HEATR1: variants seen among roughly 807,000 people sequenced by gnomAD.
The protein encoded by HEATR1 is HEAT repeat-containing protein 1.
In HEATR1, 77 loss-of-function variants were observed where a neutral mutation model predicts 248.2. That is an observed-to-expected ratio of 0.31 (90% CI 0.26 to 0.37). The LOEUF (loss-of-function observed/expected upper bound fraction) is 0.37. Ranked by LOEUF, HEATR1 falls within the 10% of genes least tolerant of loss-of-function variation. HEATR1 has a pLI of 1.00. For missense variants in HEATR1, 2,420 were observed against 2,504.9 expected (o/e 0.97, Z 0.72); for synonymous variants, 897 against 923.1 (o/e 0.97, Z 0.51).
intron 22 of HEATR1, among the ~76,000 whole-genome samples, chr1:236,575,651 C>T (rs970112391): frequency 6.6e-6 from 1 of 152,184 alleles, no homozygotes. Flanking sequence ...TCTAAGCCCA[C>T]AGTCAGTCTA....
chr1:236,571,760 G>T, intron 26 of HEATR1, 74 bp from the exon 27 acceptor site: 1 of 1,001,648 alleles, frequency 1.0e-6, no homozygotes, highest in Non-Finnish European at 1.6e-6. Flanking sequence ...AATGGCCATT[G>T]TCCAGAACTC....
chr1:236,566,762 T>G lies in HEATR1; in HGVS notation c.4192A>C (p.Ile1398Leu). The change falls in exon 30 of 45, where the codon ATC (isoleucine) becomes CTC (leucine). Residue 1398 changes from isoleucine to leucine, a missense_variant. Ile to Leu is a conservative substitution (Grantham distance 5, BLOSUM62 2). Transcript: ENST00000366582. ...AGTGTATCAACAAGTTGAACAAGGA[T>G]GGGCAGGCGCCTGTGCTCCGGGACG... is the stretch of plus-strand genomic sequence containing the variant. ...PHVPEHRRLP[I>L]LVQLVDTLGA... 6.2e-7 allele frequency: 1 copy of G among 1,614,116 alleles called. No individual in the cohort carries two copies. The highest frequency in any genetic ancestry group is 8.5e-7 in the Non-Finnish European group (1 of 1,179,998).
intron 28 of HEATR1, among the ~76,000 whole-genome samples, chr1:236,570,219 G>A (rs1007205123): frequency 6.6e-6 from 1 of 152,194 alleles, no homozygotes; most frequent in Non-Finnish European, 1.5e-5. Context: ...AACCCAAGAG[G>A]CAGAGCTTGC....
Position 236,574,914 on chromosome 1 carries a change from A to G in HEATR1, c.3085-11T>C. 1 of 1,611,286 alleles carries G rather than the reference A, an allele frequency of 6.2e-7. No individual in the cohort carries two copies. Among genetic ancestry groups the G allele is most frequent in the Non-Finnish European group, 8.5e-7 (1 of 1,178,904 alleles). On this transcript the variant is annotated splice_polypyrimidine_tract_variant and intron_variant, in intron 22 of 44. Coordinates refer to ENST00000366582, the MANE Select transcript of HEATR1 (RefSeq NM_018072.6). ...CTGAGAAAGCACCATCTAAAGATCC[A>G]AAGACTTAGTAGTAAATAGTTATGT...
At chr1:236,598,015 T>G (rs1432839644) in intron 4 of HEATR1, 36 bp from the exon 5 acceptor site, 2 of 1,296,050 alleles carry the variant, frequency 1.5e-6, no homozygotes, top group East Asian at 4.6e-5. Flanking sequence ...ACTAGCAACA[T>G]TCATCAACTG....
At chr1:236,566,522 C>A (rs1010312402) in intron 30 of HEATR1, 124 bp downstream of exon 30, 10 of 743,114 alleles carry the variant, frequency 1.3e-5, no homozygotes, top group Non-Finnish European at 2.0e-5. Context: ...GAAAAAGGTT[C>A]TGAGCAAAAA....
intron 30 of HEATR1, among the ~76,000 whole-genome samples, chr1:236,566,443 C>T (rs1663272988): frequency 6.6e-6 from 1 of 151,960 alleles, no homozygotes; most frequent in African/African-American, 2.4e-5. Context: ...AGATGTTTTG[C>T]TGCAACTGAG....
At chr1:236,570,823 C>A (rs1310333724) in intron 28 of HEATR1, among the ~76,000 whole-genome samples, 1 of 151,982 alleles carries the variant, frequency 6.6e-6, no homozygotes, top group East Asian at 1.9e-4. Context: ...TCATGGAGAA[C>A]CCCAGGTTAA....
At chr1:236,585,988 C>T in intron 15 of HEATR1, 47 bp from the exon 16 acceptor site, 2 of 1,600,536 alleles carry the variant, frequency 1.2e-6, no homozygotes, top group Non-Finnish European at 1.7e-6. Flanking sequence ...CACCAACACT[C>T]AAAGAATCAC....
chr1:236,566,589 C>A (rs1663277582), intron 30 of HEATR1, 57 bp downstream of exon 30: 2 of 1,266,502 alleles, frequency 1.6e-6, no homozygotes, highest in Non-Finnish European at 2.3e-6. Context: ...TGGACAATAT[C>A]ATAAAATCTG....
intron 36 of HEATR1, 106 bp from the exon 37 acceptor site, chr1:236,557,451 C>T (rs1042466824): frequency 1.4e-5 from 16 of 1,149,784 alleles, no homozygotes; most frequent in Admixed American, 7.3e-5. Flanking sequence ...CCTATTACAT[C>T]GCTATCTGCT....
chr1:236,561,206 A>G lies in HEATR1; in HGVS notation c.4646+19T>C. ...AAGTCATTTCCAAATAAAAAGTAGA[A>G]AAAGAAAAGGAAACATACCTCTCTT... On this transcript the variant is annotated intron_variant, in intron 33 of 44. Coordinates refer to ENST00000366582, the MANE Select transcript of HEATR1 (RefSeq NM_018072.6). 2 of 1,575,036 alleles carry G rather than the reference A, an allele frequency of 1.3e-6. No individual in the cohort carries two copies. Among genetic ancestry groups the G allele is most frequent in the Non-Finnish European group, 1.7e-6 (2 of 1,147,694 alleles).
At chr1:236,567,918 T>C (rs75667049) in intron 29 of HEATR1, among the ~76,000 whole-genome samples, 1 of 152,198 alleles carries the variant, frequency 6.6e-6, no homozygotes, top group Non-Finnish European at 1.5e-5. Context: ...AGAATAAAGT[T>C]TGAACCATTT....
chr1:236,595,976 T>G lies in HEATR1; in HGVS notation c.813A>C (p.Lys271Asn). Reference protein sequence around the residue: ...TYMIICQISVKVTMENTFVNS... With the variant: ...TYMIICQISVNVTMENTFVNS... Reference sequence around the variant, plus strand: ...TCACAAAGGTATTTTCCATGGTCACTTTCACAGAAATCTGACATATTATCA... The same window carrying G: ...TCACAAAGGTATTTTCCATGGTCACGTTCACAGAAATCTGACATATTATCA... The change falls in exon 7 of 45, where the codon AAA becomes AAC. Residue 271 changes from lysine (K) to asparagine (N), a missense_variant. Transcript: ENST00000366582. The G allele has an allele frequency of 1.2e-6, 2 of 1,613,910 alleles. No homozygotes were observed. The highest frequency in any genetic ancestry group is 2.2e-5 in the South Asian group (2 of 91,074).
At chr1:236,603,453 C>T in intron 2 of HEATR1, 77 bp from the exon 3 acceptor site, 3 of 1,151,750 alleles carry the variant, frequency 2.6e-6, no homozygotes, top group East Asian at 2.4e-5. Context: ...TACAGTTTTA[C>T]TTACCCCTAA....
intron 22 of HEATR1, among the ~76,000 whole-genome samples, chr1:236,575,640 C>T (rs1022984709): frequency 1.3e-5 from 2 of 152,204 alleles, no homozygotes; most frequent in Non-Finnish European, 2.9e-5. Context: ...CATTTTAGTT[C>T]TCTAAGCCCA....
chr1:236,572,957 A>ACC, intron 24 of HEATR1, 129 bp from the exon 25 acceptor site: 3 of 806,692 alleles, frequency 3.7e-6, no homozygotes. Context: ...ATGCATCTGA[A>ACC]CCCCCCCCAG....
Position 236,566,721 on chromosome 1 carries a change from G to C in HEATR1, c.4233C>G (p.Phe1411Leu). 6.2e-7 allele frequency: 1 copy of C among 1,614,144 alleles called. No individual in the cohort carries two copies. Among genetic ancestry groups the C allele is most frequent in the South Asian group, 1.1e-5 (1 of 91,082 alleles). Residue 1411 changes from phenylalanine (F) to leucine (L), a missense_variant, in exon 30 of 45, where the codon TTC becomes TTG. Coordinates refer to ENST00000366582, the MANE Select transcript of HEATR1 (RefSeq NM_018072.6). ...QLVDTLGAEK[F>L]LWILLILLFE... ...AAAGCAAGATGAGGAGAATCCAGAGGAATTTCTCTGCACCCAGTGTATCAA... is the reference window on the plus strand; with the variant it reads ...AAAGCAAGATGAGGAGAATCCAGAGCAATTTCTCTGCACCCAGTGTATCAA...
chr1:236,558,116 T>C, intron 36 of HEATR1, 121 bp downstream of exon 36: 3 of 1,135,108 alleles, frequency 2.6e-6, no homozygotes, highest in East Asian at 2.4e-5. Flanking sequence ...ATCAATTCTT[T>C]AACAAATTCC....
Sources: allele counts gnomAD v4.1 joint callset (sites outside exome capture counted in the v4.1 genomes callset), GRCh38; gene constraint gnomAD v4.1.1; transcripts MANE v1.5; gene names NCBI Gene and HGNC (gene_info 2026-07-23, HGNC 2026-07-21).